Variants in TCTN1 observed in about 807,000 individuals in gnomAD.
TCTN1 encodes tectonic family member 1.
A neutral mutation model predicts 65.8 loss-of-function variants in TCTN1; 58 were observed. The observed-to-expected ratio is 0.88, with a 90% CI of 0.71 to 1.10. TCTN1 has a LOEUF of 1.10. Among genes scored for constraint, TCTN1 ranks in the 50% least tolerant of loss-of-function variants. The pLI is 0.00. For synonymous variants in TCTN1, 273 were observed against 289.1 expected, an observed-to-expected ratio of 0.94 and a Z score of 0.57; for missense variants, 645 against 719.4, an observed-to-expected ratio of 0.90 and a Z score of 1.18.
At chr12:110,638,117 C>T (rs1343414880) in intron 7 of TCTN1, among the ~76,000 whole-genome samples, 1 of 152,016 alleles carries the variant, frequency 6.6e-6, no homozygotes. Flanking sequence ...CATGGCTGCA[C>T]AGCTGGGAAG....
intron 7 of TCTN1, among the ~76,000 whole-genome samples, chr12:110,637,667 T>A (rs2066668014): frequency 1.3e-5 from 2 of 152,138 alleles, no homozygotes; most frequent in African/African-American, 4.8e-5. Flanking sequence ...CTCTCTCCTC[T>A]TTGGTCCCAG....
At chr12:110,647,376 A>C in intron 13 of TCTN1, 40 bp downstream of exon 13, 1 of 1,612,754 alleles carries the variant, frequency 6.2e-7, no homozygotes, top group Non-Finnish European at 8.5e-7. Context: ...TTAAGACAGA[A>C]GTCTAGACAC....
chr12:110,634,866 T>TC, intron 6 of TCTN1, 87 bp downstream of exon 6: 1 of 1,012,374 alleles, frequency 9.9e-7, no homozygotes, highest in Non-Finnish European at 1.5e-6. Context: ...ACAGAATAAT[T>TC]TCAGTACATG....
intron 1 of TCTN1, among the ~76,000 whole-genome samples, chr12:110,618,804 A>G (rs946087328): frequency 6.6e-6 from 1 of 152,178 alleles, no homozygotes; most frequent in African/African-American, 2.4e-5. Context: ...TATTTGACAG[A>G]ATAAGATAGA....
intron 4 of TCTN1, 22 bp from the exon 5 acceptor site, chr12:110,632,450 C>A: frequency 6.2e-7 from 1 of 1,612,738 alleles, no homozygotes; most frequent in Non-Finnish European, 8.5e-7. Flanking sequence ...ACCATAACGA[C>A]TGTTGGTTGT....
At position 110,649,069 on chromosome 12, in the gene TCTN1, T is replaced by C; in HGVS notation, c.*28T>C. The C allele has an allele frequency of 1.8e-6, 1 of 565,494 alleles. No homozygotes were observed. The highest frequency in any genetic ancestry group is 3.3e-6 in the Non-Finnish European group (1 of 299,130). The allele number at this position is 565,494 out of a possible 1,614,324, so 35.0% of individuals were successfully genotyped here. ...ATGCTCAGATGCATCAGTTCCTTAA[T>C]ATACACGTGAAATTTGAAAACTGTA... On this transcript the variant is annotated 3_prime_UTR_variant, in exon 15 of 15. Transcript: ENST00000397659.
chr12:110,614,316 T>A lies in TCTN1; in HGVS notation c.134T>A (p.Phe45Tyr), dbSNP rs2064877732. 6.2e-7 allele frequency: 1 copy of A among 1,604,062 alleles called. No individual in the cohort carries two copies. The highest frequency in any genetic ancestry group is 8.5e-7 in the Non-Finnish European group (1 of 1,176,258). ...TCCACCGAGGCAGCCCTGGCCACCT[T>A]CGGAACTTTCCCGTCGACCAGGCCC... is the stretch of plus-strand genomic sequence containing the variant. The part of the protein sequence containing the change: ...LNSTEAALAT[F>Y]GTFPSTRPPG... Residue 45 changes from phenylalanine to tyrosine, a missense_variant, in exon 1 of 15, where the codon TTC (phenylalanine) becomes TAC (tyrosine). Phe to Tyr is a conservative substitution (Grantham distance 22). Coordinates refer to ENST00000397659, the MANE Select transcript of TCTN1 (RefSeq NM_001082538.3).
chr12:110,619,603 A>G (rs1040730709), intron 1 of TCTN1, among the ~76,000 whole-genome samples: 3 of 152,220 alleles, frequency 2.0e-5, no homozygotes, highest in African/African-American at 7.2e-5. Context: ...CTGTAGGCAA[A>G]GCACTAACAG....
chr12:110,625,378 C>G (rs2065764828), intron 2 of TCTN1, among the ~76,000 whole-genome samples: 1 of 152,190 alleles, frequency 6.6e-6, no homozygotes, highest in Non-Finnish European at 1.5e-5. Flanking sequence ...GCATCTTAAC[C>G]TCCTGAGTAG....
At chr12:110,625,212 C>T (rs1441811586) in intron 2 of TCTN1, among the ~76,000 whole-genome samples, 1 of 152,206 alleles carries the variant, frequency 6.6e-6, no homozygotes, top group African/African-American at 2.4e-5. Flanking sequence ...ACGTTCTTGA[C>T]AAGATTTCCT....
At position 110,621,298 on chromosome 12, in the gene TCTN1, AT is replaced by A. The variant is rs554036150; in HGVS notation, c.341+1346del. ...AGAAACTATTTTATTGACCAATGGG[AT>A]TTTGAGCCTATTTCTAGTATTGTAA... On this transcript the variant is annotated intron_variant, in intron 2 of 14. Coordinates refer to ENST00000397659, the MANE Select transcript of TCTN1 (RefSeq NM_001082538.3). 1.4e-3 allele frequency among the ~76,000 whole-genome samples: 207 copies of A among 152,256 alleles called. 1 individual carries two copies. The highest frequency in any genetic ancestry group is 6.8e-3 in the Middle Eastern group (2 of 294).
intron 1 of TCTN1, among the ~76,000 whole-genome samples, chr12:110,615,614 G>A (rs965727815): frequency 2.6e-5 from 4 of 152,032 alleles, no homozygotes; most frequent in African/African-American, 9.7e-5. Context: ...CAGAGTAGCT[G>A]GAACCACAGG....
intron 7 of TCTN1, among the ~76,000 whole-genome samples, chr12:110,637,446 G>C (rs1429548059): frequency 6.6e-6 from 1 of 152,214 alleles, no homozygotes; most frequent in African/African-American, 2.4e-5. Context: ...GTGTGAGGCT[G>C]GATCCTGTCT....
rs1291891063 is a variant in TCTN1 at position 110,645,098 on chromosome 12, T to C, written c.1463T>C (p.Ile488Thr). ...CAGGACATGCTGGACTGGGTGCCCA[T>C]CCACTTCATCACCCAGTCATTCAAC... is the stretch of plus-strand genomic sequence containing the variant. ...QAQDMLDWVP[I>T]HFITQSFNRK... Residue 488 changes from isoleucine to threonine, a missense_variant, in exon 12 of 15, where the codon ATC becomes ACC. Coordinates refer to ENST00000397659, the MANE Select transcript of TCTN1 (RefSeq NM_001082538.3). The C allele has an allele frequency of 4.3e-6, 7 of 1,613,972 alleles. No homozygotes were observed. In the African/African-American group the frequency reaches 9.3e-5, roughly 22 times the overall value.
intron 2 of TCTN1, among the ~76,000 whole-genome samples, chr12:110,623,210 C>T (rs1437207764): frequency 6.6e-6 from 1 of 152,230 alleles, no homozygotes; most frequent in Non-Finnish European, 1.5e-5. Context: ...AGCCTATCAC[C>T]TGCTACCAGC....
Position 110,642,180 on chromosome 12 carries a change from A to T in TCTN1, c.1191-69A>T, listed in dbSNP as rs78589948. 1,138 of 1,605,654 alleles carry T rather than the reference A, an allele frequency of 7.1e-4. 12 individuals are homozygous for T. In the African/African-American group the frequency reaches 0.014, roughly 20 times the overall value. On this transcript the variant is annotated intron_variant, in intron 10 of 14. Coordinates refer to ENST00000397659, the MANE Select transcript of TCTN1 (RefSeq NM_001082538.3). ...GGGTCTCCCTCATGTCACACAAGTG[A>T]CACTGTCTTCTTACCTGAGAACCAG...
At position 110,645,003 on chromosome 12, in the gene TCTN1, GA is replaced by G; in HGVS notation, c.1370del (p.Lys457ArgfsTer2). 6.2e-7 allele frequency: 1 copy of G among 1,614,256 alleles called. No individual in the cohort carries two copies. The highest frequency in any genetic ancestry group is 1.3e-5 in the African/African-American group (1 of 75,050). On this transcript the variant is annotated frameshift_variant, in exon 12 of 15. Transcript: ENST00000397659. LOFTEE classifies it high-confidence loss of function. The part of the protein sequence containing the change: ...GALPCQLVAQ[K>X]VKSLLWGQGF... ...CTCTCCCGTGTCAGCTCGTAGCACAGAAGGTGAAGAGCCTGCTGTGGGGCCA... is the reference window on the plus strand; with the variant it reads ...CTCTCCCGTGTCAGCTCGTAGCACAGAGGTGAAGAGCCTGCTGTGGGGCCA...
chr12:110,627,703 C>G (rs2065950224), intron 3 of TCTN1: 1 of 438,678 alleles, frequency 2.3e-6, no homozygotes, highest in Non-Finnish European at 4.0e-6. Flanking sequence ...TTTCTATTTC[C>G]TTTTTTCTTT....
At chr12:110,624,890 T>C (rs1593256716) in intron 2 of TCTN1, among the ~76,000 whole-genome samples, 1 of 151,996 alleles carries the variant, frequency 6.6e-6, no homozygotes, top group Admixed American at 6.5e-5. Flanking sequence ...TCCTGTACCA[T>C]AACTTGTAAG....
Sources: gnomAD v4.1 joint callset for allele counts (sites outside exome capture counted in the v4.1 genomes callset) on GRCh38, gnomAD v4.1.1 for gene constraint, MANE v1.5 for transcripts, NCBI Gene and HGNC (gene_info 2026-07-23, HGNC 2026-07-21) for gene names.